CHLSN: variants seen among roughly 807,000 people sequenced by gnomAD.
CHLSN encodes the protein protein cholesin.
chr7:1,002,248 T>G, the CHLSN span, among the ~76,000 whole-genome samples: 6 of 59,906 alleles, frequency 1.0e-4, no homozygotes, highest in Non-Finnish European at 1.9e-4. Context: ...TGCGGGTGAG[T>G]GGAGTCCTGT....
At chr7:986,641 A>G in the CHLSN span, 5 of 1,612,554 alleles carry the variant, frequency 3.1e-6, no homozygotes, top group Non-Finnish European at 4.2e-6. Flanking sequence ...ACGTCTACCC[A>G]TGGCTCGGGG....
chr7:1,089,615 G>C, the CHLSN span, among the ~76,000 whole-genome samples: 1 of 151,458 alleles, frequency 6.6e-6, no homozygotes. Flanking sequence ...TAGAGACAGG[G>C]TTTCGCCATG....
At chr7:1,021,701 CCCT>C in the CHLSN span, 4 of 250,842 alleles carry the variant, frequency 1.6e-5, no homozygotes, top group Admixed American at 1.9e-4. Context: ...GACACCACCC[CCCT>C]AACCCCTCCC....
At chr7:1,008,309 C>A in the CHLSN span, among the ~76,000 whole-genome samples, 2 of 152,216 alleles carry the variant, frequency 1.3e-5, no homozygotes, top group Non-Finnish European at 2.9e-5. Context: ...CTGTCTACAG[C>A]GACTGACCCT....
the CHLSN span, chr7:988,955 C>T: frequency 1.6e-6 from 1 of 622,028 alleles, no homozygotes; most frequent in Non-Finnish European, 2.8e-6. Flanking sequence ...ACCCCCACCC[C>T]CACAGGGTCA....
At chr7:1,115,490 C>A in the CHLSN span, among the ~76,000 whole-genome samples, 21,619 of 139,422 alleles carry the variant, frequency 0.16, 1,909 homozygotes, top group Middle Eastern at 0.23. Flanking sequence ...AGGATGACTT[C>A]ACTACAGCTC....
chr7:987,456 G>A, the CHLSN span: 1 of 1,575,568 alleles, frequency 6.3e-7, no homozygotes, highest in Non-Finnish European at 8.6e-7. Context: ...AGGTGCAGCG[G>A]TTCATCACGC....
chr7:995,326 A>G, the CHLSN span, among the ~76,000 whole-genome samples: 3 of 152,342 alleles, frequency 2.0e-5, no homozygotes, highest in South Asian at 6.2e-4. Flanking sequence ...TACGATCCAC[A>G]GAGGTGGGAA....
At chr7:1,138,158 C>A in the CHLSN span, 1 of 151,884 alleles carries the variant, frequency 6.6e-6, no homozygotes, top group Admixed American at 6.6e-5. Context: ...CCTGACCCGC[C>A]GGCCACCCCG....
the CHLSN span, among the ~76,000 whole-genome samples, chr7:1,083,283 T>C: frequency 6.6e-6 from 1 of 152,152 alleles, no homozygotes; most frequent in Non-Finnish European, 1.5e-5. Context: ...ACGGGCCAGA[T>C]GGTCTCTGAG....
At chr7:980,764 T>G in the CHLSN span, among the ~76,000 whole-genome samples, 3 of 148,516 alleles carry the variant, frequency 2.0e-5, no homozygotes, top group Non-Finnish European at 3.0e-5. Flanking sequence ...CTCAGCTCAC[T>G]GCAAGCTCCG....
chr7:1,037,502 C>T, the CHLSN span, among the ~76,000 whole-genome samples: 2 of 140,442 alleles, frequency 1.4e-5, 1 homozygote, highest in South Asian at 4.7e-4. Context: ...CAACCTCAGC[C>T]TCCCGAGGTG....
At chr7:1,135,874 T>A in the CHLSN span, among the ~76,000 whole-genome samples, 1 of 134,314 alleles carries the variant, frequency 7.4e-6, no homozygotes, top group Non-Finnish European at 1.5e-5. Context: ...TATATAAAAA[T>A]ATATATGAAT....
chr7:1,055,257 C>T, the CHLSN span: 3 of 471,040 alleles, frequency 6.4e-6, no homozygotes, highest in Non-Finnish European at 1.3e-5. Context: ...GAGGCAGAGG[C>T]CCTGCGGGGA....
the CHLSN span, among the ~76,000 whole-genome samples, chr7:992,322 A>T: frequency 6.6e-6 from 1 of 152,172 alleles, no homozygotes; most frequent in Non-Finnish European, 1.5e-5. Flanking sequence ...TCCTAAGTCA[A>T]GGCAAAACAA....
the CHLSN span, among the ~76,000 whole-genome samples, chr7:1,099,329 A>C: frequency 6.6e-6 from 1 of 152,250 alleles, no homozygotes; most frequent in Non-Finnish European, 1.5e-5. Flanking sequence ...ACCATCGGAC[A>C]GTGCTGGCTA....
the CHLSN span, among the ~76,000 whole-genome samples, chr7:1,070,714 G>GCACACACGCA: frequency 7.0e-6 from 1 of 142,084 alleles, no homozygotes; most frequent in Non-Finnish European, 1.5e-5. Flanking sequence ...ACATGAACAC[G>GCACACACGCA]CACACGCGCA....
At chr7:1,135,839 T>A in the CHLSN span, among the ~76,000 whole-genome samples, 2 of 135,772 alleles carry the variant, frequency 1.5e-5, no homozygotes, top group East Asian at 4.1e-4. Context: ...ATAAATATAT[T>A]TACATAAATA....
the CHLSN span, among the ~76,000 whole-genome samples, chr7:1,113,558 G>C: frequency 6.6e-6 from 1 of 152,206 alleles, no homozygotes. Context: ...ATGCAGAACA[G>C]CTGGAATCGG....
Sources: gnomAD v4.1 joint callset for allele counts (sites outside exome capture counted in the v4.1 genomes callset) on GRCh38, gnomAD v4.1.1 for gene constraint, MANE v1.5 for transcripts, NCBI Gene and HGNC (gene_info 2026-07-23, HGNC 2026-07-21) for gene names.